The following HYDIN variants were observed in gnomAD, a reference collection of about 807,000 sequenced individuals.
HYDIN encodes the protein HYDIN axonemal central pair apparatus protein.
Under a neutral mutation model 403.9 loss-of-function variants are expected in HYDIN, and 132 were observed. The ratio of observed to expected loss-of-function variants is 0.33; its 90% CI spans 0.28 to 0.38. The LOEUF (loss-of-function observed/expected upper bound fraction) is 0.38, where lower values mean the gene tolerates loss of function less well. Among genes scored for constraint, HYDIN ranks in the 10% least tolerant of loss-of-function variants. The pLI is 1.00. For synonymous variants in HYDIN, 1,202 were observed against 1,891.7 expected (o/e 0.64, Z 9.46); for missense variants, 2,827 against 5,009.5 (o/e 0.56, Z 13.15).
intron 6 of HYDIN, among the ~76,000 whole-genome samples, chr16:71,157,438 G>A (rs1204415940): frequency 6.6e-6 from 1 of 151,852 alleles, no homozygotes; most frequent in Non-Finnish European, 1.5e-5. Flanking sequence ...TCTAGGAACA[G>A]AAACATCTGT....
chr16:71,084,358 T>C lies in HYDIN; in HGVS notation c.1670+3943A>G, dbSNP rs866731120. On this transcript the variant is annotated intron_variant, in intron 12 of 85. Coordinates refer to ENST00000393567, the MANE Select transcript of HYDIN (RefSeq NM_001270974.2). ...TATCTGAAAACTATTGCTTATTTGGTTTTTGGATATGGATATTTAACCCTA... is the reference window on the plus strand; with the variant it reads ...TATCTGAAAACTATTGCTTATTTGGCTTTTGGATATGGATATTTAACCCTA... Among the ~76,000 whole-genome samples the C allele has an allele frequency of 3.6e-3, 398 of 111,486 alleles. 3 individuals carry two copies. The highest frequency in any genetic ancestry group is 0.019 in the African/African-American group (350 of 18,908). 73.1% of individuals were successfully genotyped at this position (111,486 alleles called of 152,430 possible).
At chr16:71,002,750 T>C (rs2079761529) in intron 23 of HYDIN, among the ~76,000 whole-genome samples, 1 of 150,392 alleles carries the variant, frequency 6.6e-6, no homozygotes, top group African/African-American at 2.5e-5. Context: ...CAATCTCGGC[T>C]CACTGCAACC....
chr16:71,172,215 C>T (rs2086492890), intron 5 of HYDIN, among the ~76,000 whole-genome samples: 1 of 152,170 alleles, frequency 6.6e-6, no homozygotes, highest in Non-Finnish European at 1.5e-5. Flanking sequence ...TTTTCTTAAA[C>T]CATAACTGAG....
chr16:70,841,612 G>C (rs2037827721), intron 75 of HYDIN, among the ~76,000 whole-genome samples: 1 of 152,142 alleles, frequency 6.6e-6, no homozygotes, highest in Non-Finnish European at 1.5e-5. Flanking sequence ...GATTGGTCAT[G>C]AGGGATCGCC....
At position 70,832,957 on chromosome 16, in the gene HYDIN, T is replaced by G. The variant is rs1421083845; in HGVS notation, c.13790A>C (p.Glu4597Ala). ...TTTACAAAGGCTCTCCTTTCCCACC[T>G]CGGTGGGATGGTAGGTCACTTCAAA... ...VSFEVTYHPT[E>A]VGKESLCKNI... The change falls in exon 80 of 86, where the codon GAG becomes GCG. Residue 4597 changes from glutamate to alanine, a missense_variant. Coordinates refer to ENST00000393567, the MANE Select transcript of HYDIN (RefSeq NM_001270974.2). The G allele has an allele frequency of 6.2e-7, 1 of 1,614,162 alleles. No homozygotes were observed. Among genetic ancestry groups the G allele is most frequent in the East Asian group, 2.2e-5 (1 of 44,888 alleles).
intron 1 of HYDIN, among the ~76,000 whole-genome samples, chr16:71,220,626 G>C (rs2089151995): frequency 1.3e-5 from 2 of 152,070 alleles, no homozygotes; most frequent in East Asian, 3.9e-4. Flanking sequence ...ATACATCCAG[G>C]TTTCACGAAA....
chr16:71,190,055 T>C (rs35167494), intron 1 of HYDIN, among the ~76,000 whole-genome samples: 26,226 of 152,102 alleles, frequency 0.17, 2,944 homozygotes, highest in Middle Eastern at 0.38. Context: ...GATGATTTTC[T>C]CTTTTTAAAT....
chr16:70,902,794 AAT>A lies in HYDIN; in HGVS notation c.8849+829_8849+830del, dbSNP rs1264288990. ...TTGGGAAAGTTCCATCTACTCTTTA[AAT>A]ATATATATATATATATATATATATA... On this transcript the variant is annotated intron_variant, in intron 52 of 85. Transcript: ENST00000393567. 6.1e-3 allele frequency among the ~76,000 whole-genome samples: 370 copies of A among 61,114 alleles called. 3 individuals carry two copies. The highest frequency in any genetic ancestry group is 0.011 in the East Asian group (27 of 2,370). 40.1% of individuals were successfully genotyped at this position (61,114 alleles called of 152,430 possible).
At chr16:71,137,932 T>TACACACACACACAC (rs371606318) in intron 7 of HYDIN, among the ~76,000 whole-genome samples, 1 of 148,690 alleles carries the variant, frequency 6.7e-6, no homozygotes, top group African/African-American at 2.5e-5. Context: ...CACACACACA[T>TACACACACACACAC]ACACACACAC....
At chr16:71,006,834 A>C (rs1331528166) in intron 23 of HYDIN, among the ~76,000 whole-genome samples, 3 of 152,136 alleles carry the variant, frequency 2.0e-5, no homozygotes, top group Non-Finnish European at 4.4e-5. Flanking sequence ...TAATATTTGC[A>C]AGGCTGAGGA....
intron 1 of HYDIN, among the ~76,000 whole-genome samples, chr16:71,212,584 T>C (rs1020729407): frequency 3.9e-5 from 6 of 152,114 alleles, no homozygotes. Context: ...AAGTAAATAG[T>C]ATATTTTAAA....
At chr16:71,076,444 G>A (rs1177668785) in intron 13 of HYDIN, among the ~76,000 whole-genome samples, 1 of 116,692 alleles carries the variant, frequency 8.6e-6, no homozygotes, top group Non-Finnish European at 1.6e-5. Flanking sequence ...GTGGAAATGG[G>A]CGCCACAGGT....
chr16:71,040,756 C>T (rs12051050), intron 18 of HYDIN, among the ~76,000 whole-genome samples: 8 of 113,612 alleles, frequency 7.0e-5, no homozygotes, highest in African/African-American at 1.0e-4. Context: ...GACTTAGGGC[C>T]CCACTGCATT....
At position 71,156,445 on chromosome 16, in the gene HYDIN, G is replaced by A. The variant is rs376536963; in HGVS notation, c.717-3662C>T. Among the ~76,000 whole-genome samples the A allele has an allele frequency of 7.9e-3, 1,204 of 152,140 alleles. 9 individuals are homozygous for A. The highest frequency in any genetic ancestry group is 0.027 in the African/African-American group (1,142 of 41,532). On this transcript the variant is annotated intron_variant, in intron 6 of 85. Coordinates refer to ENST00000393567, the MANE Select transcript of HYDIN (RefSeq NM_001270974.2). Reference sequence around the variant, plus strand: ...GGCTGAACGGGCTAGAAAATATCAAGTATCAGAAAATGCTCTTACAAAGAA... The same window carrying A: ...GGCTGAACGGGCTAGAAAATATCAAATATCAGAAAATGCTCTTACAAAGAA...
chr16:71,045,770 C>T lies in HYDIN; in HGVS notation c.2530-13853G>A, dbSNP rs1454269365. ...ATAGAAAATCAGAAAGTTAATGGAC[C>T]TAAATTTTCTAAATAGCAAATTATT... On this transcript the variant is annotated intron_variant, in intron 18 of 85. Coordinates refer to ENST00000393567, the MANE Select transcript of HYDIN (RefSeq NM_001270974.2). 6.2e-5 allele frequency among the ~76,000 whole-genome samples: 4 copies of T among 64,368 alleles called. No individual in the cohort carries two copies. In the Admixed American group the frequency reaches 7.2e-4, roughly 12 times the overall value. 42.2% of individuals were successfully genotyped at this position (64,368 alleles called of 152,430 possible).
intron 5 of HYDIN, among the ~76,000 whole-genome samples, chr16:71,168,305 G>A (rs1166486112): frequency 7.7e-6 from 1 of 130,570 alleles, no homozygotes; most frequent in Non-Finnish European, 1.6e-5. Context: ...GGCAACAAGA[G>A]CAAAACCCTG....
At chr16:71,132,110 A>AT (rs1260435002) in intron 8 of HYDIN, 6 of 94,998 alleles carry the variant, frequency 6.3e-5, no homozygotes, top group Admixed American at 6.1e-4. Flanking sequence ...ATTAGAATGG[A>AT]TTTTTGCCCT....
rs138556815 is a variant in HYDIN, at chr16:70,905,006, G to A, written c.8517-942C>T. ...GGCACTGAGGGAGACTCAGTTAATA[G>A]TAACTGAGCGAAGCAAACCAGAAGG... On this transcript the variant is annotated intron_variant, in intron 50 of 85. Transcript: ENST00000393567. Among the ~76,000 whole-genome samples the A allele has an allele frequency of 9.9e-4, 150 of 152,192 alleles. 1 individual carries two copies. Among genetic ancestry groups the A allele is most frequent in the Middle Eastern group, 3.4e-3 (1 of 294 alleles).
chr16:71,187,750 A>C (rs1432233061), intron 1 of HYDIN, among the ~76,000 whole-genome samples: 1 of 152,142 alleles, frequency 6.6e-6, no homozygotes, highest in Non-Finnish European at 1.5e-5. Context: ...AGTAGATTTG[A>C]AGGAAAATGT....
Sources: gnomAD v4.1 joint callset for allele counts (sites outside exome capture counted in the v4.1 genomes callset) on GRCh38, gnomAD v4.1.1 for gene constraint, MANE v1.5 for transcripts, NCBI Gene and HGNC (gene_info 2026-07-23, HGNC 2026-07-21) for gene names.